CYTH4: variants seen among roughly 807,000 people sequenced by gnomAD.
CYTH4 encodes the protein cytohesin 4, also known as cytohesin-4.
In CYTH4, 22 loss-of-function variants were observed where a neutral mutation model predicts 57.5. That is an observed-to-expected ratio of 0.38 (90% CI 0.27 to 0.55). The LOEUF is 0.55. CYTH4 is among the 20% of genes least tolerant of loss of function. The probability of loss-of-function intolerance (pLI) is 0.74; values close to 1 mark genes in which losing one functional copy is unlikely to be tolerated. For missense variants in CYTH4, 420 were observed against 535.6 expected, an observed-to-expected ratio of 0.78 and a Z score of 2.13; for synonymous variants, 186 against 206.5, an observed-to-expected ratio of 0.90 and a Z score of 0.85.
At position 37,311,590 on chromosome 22, in the gene CYTH4, T is replaced by C; in HGVS notation, c.957+63T>C. ...ACTGGGAAATTTCCTAAACAGAACGTGGGGAGAGGGCCTGAGGCTGGGCTC... is the reference window on the plus strand; with the variant it reads ...ACTGGGAAATTTCCTAAACAGAACGCGGGGAGAGGGCCTGAGGCTGGGCTC... On this transcript the variant is annotated intron_variant, in intron 11 of 12. Coordinates refer to ENST00000248901, the MANE Select transcript of CYTH4 (RefSeq NM_013385.5). This position sits in a 1 kb window ranked among gnomAD's most constrained non-coding sequence, Gnocchi z 4.4. 6.5e-7 allele frequency: 1 copy of C among 1,528,536 alleles called. No homozygotes were observed. Among genetic ancestry groups the C allele is most frequent in the East Asian group, 2.3e-5 (1 of 44,440 alleles). 94.7% of individuals were successfully genotyped at this position (1,528,536 alleles called of 1,614,324 possible).
intron 1 of CYTH4, among the ~76,000 whole-genome samples, chr22:37,290,508 G>A (rs1277169518): frequency 6.6e-6 from 1 of 151,980 alleles, no homozygotes; most frequent in Non-Finnish European, 1.5e-5. Context: ...TGTTTGTTTT[G>A]TTTTGTTTTG....
At position 37,311,469 on chromosome 22, in the gene CYTH4, G is replaced by A. The variant is rs757294013; in HGVS notation, c.899G>A (p.Arg300Gln). 10 of 1,614,028 alleles carry A rather than the reference G, an allele frequency of 6.2e-6. No homozygotes were observed. Among genetic ancestry groups the A allele is most frequent in the East Asian group, 2.2e-5 (1 of 44,876 alleles). ...CTTTCCCTGTAGGACAAGGAGCCACGGGGAATTATACCTCTTGAGAACCTC... is the reference window on the plus strand; with the variant it reads ...CTTTCCCTGTAGGACAAGGAGCCACAGGGAATTATACCTCTTGAGAACCTC... ...YFEFTTDKEP[R>Q]GIIPLENLSV... Residue 300 changes from arginine (R) to glutamine (Q), a missense_variant, in exon 11 of 13, where the codon CGG (arginine) becomes CAG (glutamine). Arg to Gln is a conservative substitution (Grantham distance 43, BLOSUM62 1). Transcript: ENST00000248901. The surrounding 1 kb of genome is among the most constrained non-coding windows in gnomAD (Gnocchi z 4.4).
chr22:37,287,553 T>G (rs931609224), intron 1 of CYTH4, among the ~76,000 whole-genome samples: 5 of 152,154 alleles, frequency 3.3e-5, no homozygotes, highest in Non-Finnish European at 7.3e-5. Flanking sequence ...ACCAACGGCC[T>G]CCCCGCCAGC....
chr22:37,291,921 A>G (rs2145857015), intron 1 of CYTH4, among the ~76,000 whole-genome samples: 1 of 152,324 alleles, frequency 6.6e-6, no homozygotes, highest in East Asian at 1.9e-4. Flanking sequence ...TCAAGGTCCC[A>G]TCCTGGCTCA....
At chr22:37,297,299 T>C (rs1284828254) in intron 4 of CYTH4, among the ~76,000 whole-genome samples, 1 of 152,166 alleles carries the variant, frequency 6.6e-6, no homozygotes, top group Non-Finnish European at 1.5e-5. Flanking sequence ...AATGTCAGAC[T>C]GAGGGGGACC....
At position 37,295,068 on chromosome 22, in the gene CYTH4, CA is replaced by C. The variant is rs1474669264; in HGVS notation, c.167+346del. ...GGAAGCTCAGCCCCAAGGGCAAGGA[CA>C]AGGAAGCCCAGGGCCCCAGGAGGAC... is the stretch of plus-strand genomic sequence containing the variant. On this transcript the variant is annotated intron_variant, in intron 3 of 12. Transcript: ENST00000248901. This position sits in a 1 kb window ranked among gnomAD's most constrained non-coding sequence, Gnocchi z 4.1. Among the ~76,000 whole-genome samples the C allele has an allele frequency of 6.6e-6, 1 of 152,188 alleles. No individual in the cohort carries two copies. Among genetic ancestry groups the C allele is most frequent in the African/African-American group, 2.4e-5 (1 of 41,442 alleles).
At position 37,300,950 on chromosome 22, in the gene CYTH4, A is replaced by G; in HGVS notation, c.478A>G (p.Ile160Val). The G allele has an allele frequency of 6.2e-7, 1 of 1,614,188 alleles. No homozygotes were observed. Among genetic ancestry groups the G allele is most frequent in the Non-Finnish European group, 8.5e-7 (1 of 1,180,026 alleles). Residue 160 changes from isoleucine (I) to valine (V), a missense_variant, in exon 7 of 13, where the codon ATA (isoleucine) becomes GTA (valine). Coordinates refer to ENST00000248901, the MANE Select transcript of CYTH4 (RefSeq NM_013385.5). ...SFRLPGEAQK[I>V]DRMMEAFATR... The stretch of plus-strand genomic sequence containing the variant: ...CCGGCTGCCGGGCGAGGCCCAGAAG[A>G]TAGACCGGATGATGGAGGCCTTTGC...
At chr22:37,303,168 A>G (rs1929249820) in intron 7 of CYTH4, 86 bp from the exon 8 acceptor site, 3 of 1,559,466 alleles carry the variant, frequency 1.9e-6, no homozygotes, top group African/African-American at 2.8e-5. Flanking sequence ...GGGCCTTGCA[A>G]TGGCAGTTCT....
chr22:37,308,733 A>C (rs1056233389), intron 8 of CYTH4, among the ~76,000 whole-genome samples: 2 of 128,130 alleles, frequency 1.6e-5, no homozygotes, highest in Admixed American at 7.7e-5. Flanking sequence ...TGTATGTATG[A>C]GTATGCATGC....
At chr22:37,306,737 C>G (rs949698413) in intron 8 of CYTH4, among the ~76,000 whole-genome samples, 2 of 152,252 alleles carry the variant, frequency 1.3e-5, no homozygotes, top group African/African-American at 4.8e-5. Context: ...CTCTCAGCAA[C>G]CGCCTCCTCT....
rs375711005 is a variant in CYTH4, at chr22:37,312,190, G to T, written c.1112+16G>T. Reference sequence around the variant, plus strand: ...AGTCCATCCGGTAAGGGGTGCCCAGGTCTGGGGACGGCTTCCCGTCACCTT... The same window carrying T: ...AGTCCATCCGGTAAGGGGTGCCCAGTTCTGGGGACGGCTTCCCGTCACCTT... On this transcript the variant is annotated intron_variant, in intron 12 of 12. Transcript: ENST00000248901. The T allele has an allele frequency of 5.5e-4, 883 of 1,609,000 alleles. 1 individual carries two copies. Among genetic ancestry groups the T allele is most frequent in the Non-Finnish European group, 6.9e-4 (813 of 1,175,780 alleles).
chr22:37,303,468 A>G, intron 8 of CYTH4, 66 bp downstream of exon 8: 1 of 1,544,098 alleles, frequency 6.5e-7, no homozygotes, highest in African/African-American at 1.4e-5. Flanking sequence ...CCTTAGATGG[A>G]TGGCCCGGGA....
chr22:37,288,877 TG>T (rs1469736349), intron 1 of CYTH4, among the ~76,000 whole-genome samples: 2 of 152,222 alleles, frequency 1.3e-5, no homozygotes, highest in Non-Finnish European at 2.9e-5. Flanking sequence ...GTGGATCTCA[TG>T]GCCACGTGCT....
chr22:37,311,599 G>T lies in CYTH4; in HGVS notation c.957+72G>T. ...TTTCCTAAACAGAACGTGGGGAGAG[G>T]GCCTGAGGCTGGGCTCTCCAGGAAG... is the stretch of plus-strand genomic sequence containing the variant. On this transcript the variant is annotated intron_variant, in intron 11 of 12. Transcript: ENST00000248901. The surrounding 1 kb of genome is among the most constrained non-coding windows in gnomAD (Gnocchi z 4.4). The T allele has an allele frequency of 6.7e-7, 1 of 1,485,606 alleles. No individual in the cohort carries two copies. Among genetic ancestry groups the T allele is most frequent in the Non-Finnish European group, 9.4e-7 (1 of 1,067,640 alleles). The allele number at this position is 1,485,606 out of a possible 1,614,324, so 92.0% of individuals were successfully genotyped here. A position where few individuals can be genotyped will look rare whatever the true frequency, so the allele number is the denominator to read the frequency against.
intron 5 of CYTH4, 113 bp downstream of exon 5, chr22:37,297,795 G>A: frequency 2.3e-6 from 2 of 857,936 alleles, no homozygotes; most frequent in Non-Finnish European, 3.8e-6. Context: ...ATCACTCCTA[G>A]TGCTTGAGGG....
chr22:37,302,730 C>T (rs537790270), intron 7 of CYTH4, among the ~76,000 whole-genome samples: 2 of 152,202 alleles, frequency 1.3e-5, no homozygotes, highest in African/African-American at 4.8e-5. Flanking sequence ...ACCTCCCTCC[C>T]CAGCCATCAG....
In CYTH4 at chr22:37,313,702, A is replaced by T. The variant is rs1929736356; in HGVS notation, c.*191A>T. ...TGGGTGGGAGCTGCAGTGGGCTCAGAGTCCAGCAATGAGGCCCCCTGGCCT... is the reference window on the plus strand; with the variant it reads ...TGGGTGGGAGCTGCAGTGGGCTCAGTGTCCAGCAATGAGGCCCCCTGGCCT... On this transcript the variant is annotated 3_prime_UTR_variant, in exon 13 of 13. Transcript: ENST00000248901. 2 of 612,806 alleles carry T rather than the reference A, an allele frequency of 3.3e-6. No homozygotes were observed. The highest frequency in any genetic ancestry group is 4.5e-4 in the Middle Eastern group (1 of 2,246). The allele number at this position is 612,806 out of a possible 1,614,324, so 38.0% of individuals were successfully genotyped here. A position where few individuals can be genotyped will look rare whatever the true frequency, so the allele number is the denominator to read the frequency against.
Position 37,303,320 on chromosome 22 carries a change from G to A in CYTH4, c.614G>A (p.Arg205Gln), listed in dbSNP as rs753773355. Residue 205 changes from arginine (R) to glutamine (Q), a missense_variant, in exon 8 of 13, where the codon CGG becomes CAG. Physicochemically the swap from Arg to Gln is conservative, Grantham distance 43 (BLOSUM62 1). Transcript: ENST00000248901. ...LNTSLHNPNV[R>Q]DRPPFERFVS... ...ACCAGCCTCCACAATCCCAACGTCCGGGACAGGCCGCCTTTTGAGCGCTTT... is the reference window on the plus strand; with the variant it reads ...ACCAGCCTCCACAATCCCAACGTCCAGGACAGGCCGCCTTTTGAGCGCTTT... 1.5e-5 allele frequency: 25 copies of A among 1,614,044 alleles called. No individual in the cohort carries two copies. The highest frequency in any genetic ancestry group is 4.0e-5 in the African/African-American group (3 of 74,926).
chr22:37,297,553 AC>A lies in CYTH4; in HGVS notation c.235-6del. 1 of 1,611,566 alleles carries A rather than the reference AC, an allele frequency of 6.2e-7. No homozygotes were observed. Among genetic ancestry groups the A allele is most frequent in the Non-Finnish European group, 8.5e-7 (1 of 1,178,514 alleles). ...CAGCAGCTGCTCACGGCTTCTGTGT[AC>A]CCCCTCCAGGGTATCCAGTATTTCA... On this transcript the variant is annotated splice_polypyrimidine_tract_variant and intron_variant, in intron 4 of 12. Transcript: ENST00000248901.
Sources: gnomAD v4.1 joint callset for allele counts (sites outside exome capture counted in the v4.1 genomes callset) on GRCh38, gnomAD v4.1.1 for gene constraint, Gnocchi (gnomAD v3.1) non-coding constraint, MANE v1.5 for transcripts, NCBI Gene and HGNC (gene_info 2026-07-23, HGNC 2026-07-21) for gene names.